The following CSMD1 variants were observed in gnomAD, a reference collection of about 807,000 sequenced individuals.
CSMD1 encodes CUB and sushi domain-containing protein 1.
CSMD1 carries 213 observed loss-of-function variants against 417.5 expected under a neutral mutation model. The observed-to-expected ratio is 0.51, with a 90% confidence interval of 0.46 to 0.57. CSMD1 has a LOEUF of 0.57. CSMD1 is among the 20% of genes least tolerant of loss of function. The pLI is 0.00. For synonymous variants in CSMD1, 2,862 were observed against 1,736.8 expected (o/e 1.65, Z -16.11); for missense variants, 6,923 against 4,529.7 (o/e 1.53, Z -15.17).
chr8:3,790,524 T>G (rs1416536108), intron 5 of CSMD1, among the ~76,000 whole-genome samples: 3 of 152,186 alleles, frequency 2.0e-5, no homozygotes, highest in Non-Finnish European at 4.4e-5. Context: ...GATAACCGTG[T>G]GATGGTGATA....
At chr8:3,225,847 T>G (rs944139443) in intron 27 of CSMD1, among the ~76,000 whole-genome samples, 5 of 152,216 alleles carry the variant, frequency 3.3e-5, no homozygotes, top group African/African-American at 1.2e-4. Flanking sequence ...TTAATTAGCT[T>G]GCAAAATATT....
intron 3 of CSMD1, among the ~76,000 whole-genome samples, chr8:4,036,600 A>G (rs2130607152): frequency 6.6e-6 from 1 of 152,346 alleles, no homozygotes; most frequent in South Asian, 2.1e-4. Flanking sequence ...ATAGGGAAAA[A>G]TTAAGGCAGA....
chr8:4,062,538 T>C (rs1009837243), intron 3 of CSMD1, among the ~76,000 whole-genome samples: 4 of 152,314 alleles, frequency 2.6e-5, no homozygotes, highest in Non-Finnish European at 4.4e-5. Flanking sequence ...ACCTGTGGCA[T>C]TGACATGAAC....
chr8:4,186,094 C>T (rs1301193238), intron 3 of CSMD1, among the ~76,000 whole-genome samples: 1 of 152,100 alleles, frequency 6.6e-6, no homozygotes, highest in Non-Finnish European at 1.5e-5. Flanking sequence ...AGGAGGCACC[C>T]TCTTTGATTG....
At chr8:3,203,566 G>A (rs1461723773) in intron 31 of CSMD1, among the ~76,000 whole-genome samples, 2 of 152,182 alleles carry the variant, frequency 1.3e-5, no homozygotes, top group African/African-American at 4.8e-5. Flanking sequence ...GCAAAATGGT[G>A]GCGGGGACAA....
At chr8:3,752,703 A>AAAAAAAC (rs1797418408) in intron 6 of CSMD1, among the ~76,000 whole-genome samples, 1 of 137,652 alleles carries the variant, frequency 7.3e-6, no homozygotes, top group Non-Finnish European at 1.6e-5. Flanking sequence ...AAAAAAAAAA[A>AAAAAAAC]ACATATTTTG....
At chr8:4,843,149 A>G (rs916503035) in intron 1 of CSMD1, among the ~76,000 whole-genome samples, 2 of 152,206 alleles carry the variant, frequency 1.3e-5, no homozygotes, top group African/African-American at 4.8e-5. Context: ...CCAAGGGTAC[A>G]CTACCAGTCT....
chr8:4,356,241 C>T (rs540641048), intron 3 of CSMD1, among the ~76,000 whole-genome samples: 150 of 152,226 alleles, frequency 9.9e-4, no homozygotes, highest in Non-Finnish European at 1.9e-3. Flanking sequence ...TCACTTAGAA[C>T]AATTGTCTCC....
intron 12 of CSMD1, among the ~76,000 whole-genome samples, chr8:3,414,442 T>C (rs1192994121): frequency 6.6e-6 from 1 of 152,088 alleles, no homozygotes; most frequent in East Asian, 1.9e-4. Context: ...AAACATGCCA[T>C]GTTGTGCCTC....
At chr8:2,992,590 A>G (rs551605156) in intron 54 of CSMD1, among the ~76,000 whole-genome samples, 2 of 149,126 alleles carry the variant, frequency 1.3e-5, no homozygotes, top group Admixed American at 1.3e-4. Context: ...CACCTGGCTA[A>G]TTTTTTTGTA....
intron 1 of CSMD1, among the ~76,000 whole-genome samples, chr8:4,773,645 A>AGCACT (rs1362326272): frequency 2.6e-5 from 4 of 152,180 alleles, no homozygotes; most frequent in Non-Finnish European, 5.9e-5. Flanking sequence ...TTATTGAACG[A>AGCACT]GCACTGCAAT....
chr8:4,133,084 C>T (rs763147455), intron 3 of CSMD1, among the ~76,000 whole-genome samples: 9 of 152,126 alleles, frequency 5.9e-5, no homozygotes, highest in East Asian at 5.8e-4. Flanking sequence ...TACAGGTGTA[C>T]GCCACCATGC....
chr8:4,407,944 A>G lies in CSMD1; in HGVS notation c.415+12009T>C, dbSNP rs540376304. ...GTTCAGCATCTTATTCCTGCACAAA[A>G]TCTCCCATTTGTTATCCTCCTACAC... On this transcript the variant is annotated intron_variant, in intron 3 of 69. Coordinates refer to ENST00000635120, the MANE Select transcript of CSMD1 (RefSeq NM_033225.6). Among the ~76,000 whole-genome samples the G allele has an allele frequency of 1.1e-3, 172 of 152,226 alleles. 3 individuals are homozygous for G. In the South Asian group the frequency reaches 0.034, roughly 30 times the overall value.
At chr8:4,235,921 C>A (rs1312789837) in intron 3 of CSMD1, among the ~76,000 whole-genome samples, 3 of 151,988 alleles carry the variant, frequency 2.0e-5, no homozygotes. Flanking sequence ...CTTCCGCCAA[C>A]AAACCATTTG....
chr8:3,149,896 A>C (rs1396781328), intron 40 of CSMD1, among the ~76,000 whole-genome samples: 1 of 152,188 alleles, frequency 6.6e-6, no homozygotes, highest in Non-Finnish European at 1.5e-5. Context: ...TCATTCTCTG[A>C]TGTTAATGAC....
intron 3 of CSMD1, among the ~76,000 whole-genome samples, chr8:4,130,708 T>A (rs1803048376): frequency 7.3e-6 from 1 of 136,706 alleles, no homozygotes. Flanking sequence ...GGGGAGTAGA[T>A]AACACATGAA....
intron 1 of CSMD1, among the ~76,000 whole-genome samples, chr8:4,756,395 A>C (rs1194117908): frequency 6.6e-6 from 1 of 152,166 alleles, no homozygotes; most frequent in African/African-American, 2.4e-5. Context: ...TTCTGACCCG[A>C]CCAAGTTGAA....
intron 7 of CSMD1, among the ~76,000 whole-genome samples, chr8:3,617,072 T>G (rs1802177008): frequency 6.6e-6 from 1 of 152,298 alleles, no homozygotes; most frequent in South Asian, 2.1e-4. Context: ...CATTTGGTCC[T>G]TATGATTACT....
At chr8:3,723,976 A>AAAAT (rs1206427890) in intron 6 of CSMD1, among the ~76,000 whole-genome samples, 2 of 51,510 alleles carry the variant, frequency 3.9e-5, no homozygotes. Context: ...TGTTGTGTGA[A>AAAAT]AGAAAAATGT....
Sources: gnomAD v4.1 joint callset for allele counts (sites outside exome capture counted in the v4.1 genomes callset) on GRCh38, gnomAD v4.1.1 for gene constraint, MANE v1.5 for transcripts, NCBI Gene and HGNC (gene_info 2026-07-23, HGNC 2026-07-21) for gene names.